The following KCNH1 variants were observed in gnomAD, a reference collection of about 807,000 sequenced individuals.
The protein encoded by KCNH1 is voltage-gated delayed rectifier potassium channel KCNH1.
A neutral mutation model predicts 69.2 loss-of-function variants in KCNH1; 27 were observed. The observed-to-expected ratio is 0.39, with a 90% CI of 0.29 to 0.54. KCNH1 has a LOEUF of 0.54. Among genes scored for constraint, KCNH1 ranks in the 20% least tolerant of loss-of-function variants. The probability of loss-of-function intolerance (pLI) is 0.68; values close to 1 mark genes in which losing one functional copy is unlikely to be tolerated. For synonymous variants in KCNH1, 456 were observed against 487.7 expected, an observed-to-expected ratio of 0.93 and a Z score of 0.86; for missense variants, 798 against 1,261.6, an observed-to-expected ratio of 0.63 and a Z score of 5.57.
chr1:210,947,341 G>A (rs1326327103), intron 6 of KCNH1, among the ~76,000 whole-genome samples: 4 of 151,978 alleles, frequency 2.6e-5, no homozygotes, highest in South Asian at 2.1e-4. Flanking sequence ...AGGCCGAGGC[G>A]GGCGGATCAC....
At chr1:211,057,068 T>C (rs1690324095) in intron 5 of KCNH1, among the ~76,000 whole-genome samples, 1 of 152,110 alleles carries the variant, frequency 6.6e-6, no homozygotes, top group South Asian at 2.1e-4. Flanking sequence ...GAGACAGAGA[T>C]ATGTGACCTT....
intron 10 of KCNH1, among the ~76,000 whole-genome samples, chr1:210,739,500 A>G (rs1682965156): frequency 6.6e-6 from 1 of 152,230 alleles, no homozygotes; most frequent in South Asian, 2.1e-4. Context: ...GGCTATGGAA[A>G]GTCCTCAGAG....
chr1:210,712,987 G>C (rs1169380207), intron 10 of KCNH1, among the ~76,000 whole-genome samples: 1 of 152,038 alleles, frequency 6.6e-6, no homozygotes, highest in Non-Finnish European at 1.5e-5. Context: ...GATGACTCGT[G>C]CACATCCTCC....
intron 6 of KCNH1, among the ~76,000 whole-genome samples, chr1:210,953,236 A>G (rs1308122226): frequency 6.6e-6 from 1 of 152,156 alleles, no homozygotes; most frequent in African/African-American, 2.4e-5. Context: ...TCACGTGAAT[A>G]TAAAGTATTT....
At chr1:210,771,928 A>G (rs1445729290) in intron 10 of KCNH1, among the ~76,000 whole-genome samples, 1 of 152,170 alleles carries the variant, frequency 6.6e-6, no homozygotes, top group Non-Finnish European at 1.5e-5. Flanking sequence ...CTGTGCCCTC[A>G]TGTGGCTTTG....
At position 210,877,648 on chromosome 1, in the gene KCNH1, T is replaced by C. The variant is rs79006799; in HGVS notation, c.1462+41992A>G. ...CATTTATTTTGCAAATAACTGAACATGTCCTATATACATATCATGGTACAA... is the reference window on the plus strand; with the variant it reads ...CATTTATTTTGCAAATAACTGAACACGTCCTATATACATATCATGGTACAA... On this transcript the variant is annotated intron_variant, in intron 7 of 10. Transcript: ENST00000271751. Among the ~76,000 whole-genome samples the C allele has an allele frequency of 6.1e-3, 930 of 152,308 alleles. 8 individuals are homozygous for C. Among genetic ancestry groups the C allele is most frequent in the African/African-American group, 0.021 (874 of 41,560 alleles).
intron 7 of KCNH1, chr1:210,918,918 T>C (rs1195712740): frequency 6.6e-6 from 1 of 152,230 alleles, no homozygotes; most frequent in Non-Finnish European, 1.5e-5. Flanking sequence ...CAATATATAA[T>C]CAATATAAAA....
rs555168867 is a variant in KCNH1, at chr1:210,913,363, T to C, written c.1462+6277A>G. 4.7e-4 allele frequency among the ~76,000 whole-genome samples: 71 copies of C among 151,498 alleles called. 2 individuals are homozygous for C. The highest frequency in any genetic ancestry group is 3.9e-3 in the Admixed American group (59 of 15,198). The stretch of plus-strand genomic sequence containing the variant: ...AAGGGAGTAGCAATTATTATTTTCT[T>C]TTTTTTTTCTAATTACAGAAAAGAA... On this transcript the variant is annotated intron_variant, in intron 7 of 10. Coordinates refer to ENST00000271751, the MANE Select transcript of KCNH1 (RefSeq NM_172362.3).
At chr1:211,068,839 T>C (rs1233660581) in intron 5 of KCNH1, among the ~76,000 whole-genome samples, 2 of 152,214 alleles carry the variant, frequency 1.3e-5, no homozygotes, top group African/African-American at 2.4e-5. Context: ...GAACCAGTGC[T>C]GGGTAGGAAA....
chr1:211,096,736 T>C (rs6701088), intron 3 of KCNH1, among the ~76,000 whole-genome samples: 64,453 of 151,976 alleles, frequency 0.42, 14,001 homozygotes, highest in Admixed American at 0.47. Flanking sequence ...GCTGTTTTTG[T>C]ATTTGTTTTT....
chr1:210,718,492 GTATATATATAAAATATATACATATA>G (rs1682345965), intron 10 of KCNH1, among the ~76,000 whole-genome samples: 1 of 20,942 alleles, frequency 4.8e-5, no homozygotes, highest in African/African-American at 2.8e-4. Flanking sequence ...ATACATATAT[GTATATATATAAAATATATACATATA>G]TGTATATATA....
chr1:211,001,962 T>C (rs558293349), intron 6 of KCNH1, among the ~76,000 whole-genome samples: 70 of 137,526 alleles, frequency 5.1e-4, no homozygotes, highest in African/African-American at 1.8e-3. Context: ...AATTGAACAA[T>C]GAGAACACTA....
At chr1:210,867,360 CACATAT>C (rs776415674) in intron 7 of KCNH1, among the ~76,000 whole-genome samples, 7,285 of 116,560 alleles carry the variant, frequency 0.062, 215 homozygotes, top group Non-Finnish European at 0.1. Context: ...CACACACACA[CACATAT>C]ATATATATAT....
chr1:210,805,273 C>A (rs1040864511), intron 7 of KCNH1, among the ~76,000 whole-genome samples: 1 of 152,168 alleles, frequency 6.6e-6, no homozygotes, highest in African/African-American at 2.4e-5. Context: ...AAATTTCACA[C>A]ATTTTTGCTC....
At position 210,706,289 on chromosome 1, in the gene KCNH1, G is replaced by C. The variant is rs541869271; in HGVS notation, c.2113-22151C>G. Among the ~76,000 whole-genome samples, 163 of 152,330 alleles carry C rather than the reference G, an allele frequency of 1.1e-3. 1 individual carries two copies. Among genetic ancestry groups the C allele is most frequent in the Non-Finnish European group, 1.2e-3 (80 of 68,040 alleles). ...CAGGGGTGGACCGTGCCTGGGTGGG[G>C]AGCATTCTACAGAGGGCTTGCTGTG... On this transcript the variant is annotated intron_variant, in intron 10 of 10. Coordinates refer to ENST00000271751, the MANE Select transcript of KCNH1 (RefSeq NM_172362.3).
intron 5 of KCNH1, among the ~76,000 whole-genome samples, chr1:211,053,737 A>G (rs1392860165): frequency 1.3e-5 from 2 of 152,140 alleles, no homozygotes; most frequent in Admixed American, 6.5e-5. Flanking sequence ...GATAAACTCA[A>G]CTTAACCACC....
chr1:211,049,413 G>A (rs1337933717), intron 5 of KCNH1, among the ~76,000 whole-genome samples: 1 of 152,204 alleles, frequency 6.6e-6, no homozygotes, highest in African/African-American at 2.4e-5. Flanking sequence ...AAGCTCAGAT[G>A]TGTAAAGGAA....
chr1:210,791,498 GC>G (rs1684211711), intron 9 of KCNH1, among the ~76,000 whole-genome samples: 1 of 152,174 alleles, frequency 6.6e-6, no homozygotes, highest in African/African-American at 2.4e-5. Flanking sequence ...CCCTGAACAT[GC>G]CACATGCATT....
At chr1:210,855,641 G>A (rs972637731) in intron 7 of KCNH1, among the ~76,000 whole-genome samples, 3 of 152,182 alleles carry the variant, frequency 2.0e-5, no homozygotes, top group Non-Finnish European at 4.4e-5. Context: ...CGTGGACAGC[G>A]AAGCCCAGTC....
Sources: gnomAD v4.1 joint callset for allele counts (sites outside exome capture counted in the v4.1 genomes callset) on GRCh38, gnomAD v4.1.1 for gene constraint, MANE v1.5 for transcripts, NCBI Gene and HGNC (gene_info 2026-07-23, HGNC 2026-07-21) for gene names.